The following TXLNB variants were observed in gnomAD, a reference collection of about 807,000 sequenced individuals.
TXLNB encodes the protein taxilin beta, also known as beta-taxilin.
Under a neutral mutation model 57.4 loss-of-function variants are expected in TXLNB, and 37 were observed. The observed-to-expected ratio is 0.64, with a 90% CI of 0.50 to 0.85. TXLNB has a LOEUF of 0.85. TXLNB is among the 40% of genes least tolerant of loss of function. TXLNB has a pLI of 0.00. For missense variants in TXLNB, 848 were observed against 825.6 expected, an observed-to-expected ratio of 1.03 and a Z score of -0.33; for synonymous variants, 302 against 309.6, an observed-to-expected ratio of 0.98 and a Z score of 0.26.
chr6:139,192,097 T>A, the TXLNB span, among the ~76,000 whole-genome samples: 1 of 152,262 alleles, frequency 6.6e-6, no homozygotes, highest in Non-Finnish European at 1.5e-5. Flanking sequence ...TAGATCACAG[T>A]ACTAATTGGA....
chr6:139,271,008 G>A (rs1431493999), intron 3 of TXLNB, among the ~76,000 whole-genome samples: 36 of 152,156 alleles, frequency 2.4e-4, no homozygotes, highest in Admixed American at 2.4e-3. Flanking sequence ...ATGATCTAAA[G>A]TCTGTCTGCT....
intron 3 of TXLNB, among the ~76,000 whole-genome samples, chr6:139,274,670 A>G (rs1328154714): frequency 6.6e-6 from 1 of 152,164 alleles, no homozygotes; most frequent in African/African-American, 2.4e-5. Flanking sequence ...TGGCTCATGG[A>G]GAAAATATCG....
chr6:139,304,601 C>T, the TXLNB span, among the ~76,000 whole-genome samples: 1 of 152,174 alleles, frequency 6.6e-6, no homozygotes, highest in Non-Finnish European at 1.5e-5. Flanking sequence ...AACCAATCTT[C>T]AGACAAAAAT....
downstream of TXLNB, chr6:139,239,552 G>C (rs187875511): frequency 3.2e-4 from 49 of 152,932 alleles, no homozygotes; most frequent in African/African-American, 1.2e-3. The surrounding 1 kb of genome is among the most constrained non-coding windows in gnomAD (Gnocchi z 4.7). Flanking sequence ...GAGCACAGTG[G>C]CATGATCATG....
chr6:139,259,474 C>T (rs1776426268), intron 6 of TXLNB, among the ~76,000 whole-genome samples: 1 of 152,208 alleles, frequency 6.6e-6, no homozygotes. Context: ...GTTGCTGCTG[C>T]AGATGCTGGA....
At chr6:139,240,034 T>TA (rs1050595748), downstream of TXLNB, 6 of 152,196 alleles carry the variant, frequency 3.9e-5, no homozygotes, top group East Asian at 1.9e-4. Context: ...AAGTCAAAGT[T>TA]AAAAAAATAA....
the TXLNB span, among the ~76,000 whole-genome samples, chr6:139,169,413 C>G: frequency 5.8e-4 from 88 of 152,146 alleles, no homozygotes; most frequent in African/African-American, 2.0e-3. Flanking sequence ...TCCAGGAGCT[C>G]TTTTTAATAG....
the TXLNB span, among the ~76,000 whole-genome samples, chr6:139,211,554 ACT>A: frequency 1.3e-5 from 2 of 152,172 alleles, no homozygotes; most frequent in African/African-American, 2.4e-5. Context: ...AAACCTGGAA[ACT>A]CTAAAAATCA....
downstream of TXLNB, among the ~76,000 whole-genome samples, chr6:139,237,092 C>T (rs1299814240): frequency 2.6e-5 from 4 of 152,122 alleles, no homozygotes; most frequent in South Asian, 6.2e-4. Context: ...GTCCCTCTTC[C>T]TTTCATTGTT....
At position 139,261,901 on chromosome 6, in the gene TXLNB, C is replaced by CTT. The variant is rs759412856; in HGVS notation, c.882+676_882+677dup. On this transcript the variant is annotated intron_variant, in intron 5 of 9. Coordinates refer to ENST00000358430, the MANE Select transcript of TXLNB (RefSeq NM_153235.4). Reference sequence around the variant, plus strand: ...TGGTAGGGTACATAGAATACAGACTCTTTTTTTTTTTTTTTTTTTTGAGAC... The same window carrying CTT: ...TGGTAGGGTACATAGAATACAGACTCTTTTTTTTTTTTTTTTTTTTTTGAGAC... 9.6e-3 allele frequency among the ~76,000 whole-genome samples: 1,130 copies of CTT among 117,852 alleles called. 58 individuals carry two copies. The highest frequency in any genetic ancestry group is 0.026 in the African/African-American group (745 of 28,262). The allele number at this position is 117,852 out of a possible 152,430, so 77.3% of individuals were successfully genotyped here. A position where few individuals can be genotyped will look rare whatever the true frequency, so the allele number is the denominator to read the frequency against.
intron 4 of TXLNB, among the ~76,000 whole-genome samples, chr6:139,268,794 G>C (rs973750968): frequency 1.4e-4 from 22 of 152,184 alleles, no homozygotes; most frequent in Admixed American, 9.8e-4. Flanking sequence ...ATTACTGAGG[G>C]CATATGGGCA....
In TXLNB at chr6:139,260,394, A is replaced by G. The variant is rs565593344; in HGVS notation, c.926T>C (p.Leu309Pro). The G allele has an allele frequency of 6.2e-7, 1 of 1,614,148 alleles. No homozygotes were observed. The highest frequency in any genetic ancestry group is 1.3e-5 in the African/African-American group (1 of 75,044). Residue 309 changes from leucine (L) to proline (P), a missense_variant, in exon 6 of 10, where the codon CTG becomes CCG. By Grantham distance (98) the Leu-to-Pro change is moderately conservative (BLOSUM62 -3). Transcript: ENST00000358430. ...GGCCTGCTCAAGCTTTGCATCCACC[A>G]GCTTCTGCTGCAGTTCTCTGTGTTT... ...IFKHRELQQK[L>P]VDAKLEQAQE... is the part of the protein sequence containing the mutation.
the TXLNB span, among the ~76,000 whole-genome samples, chr6:139,204,217 C>T: frequency 3.3e-5 from 5 of 152,050 alleles, no homozygotes; most frequent in African/African-American, 7.2e-5. Context: ...CTACCATGCC[C>T]GGCTAATTTT....
chr6:139,206,673 C>CAAAA, the TXLNB span, among the ~76,000 whole-genome samples: 1 of 118,764 alleles, frequency 8.4e-6, no homozygotes, highest in Non-Finnish European at 1.8e-5. Flanking sequence ...GACTCCATCT[C>CAAAA]AAAAAAAAAA....
the TXLNB span, among the ~76,000 whole-genome samples, chr6:139,320,482 T>A: frequency 6.6e-6 from 1 of 152,214 alleles, no homozygotes; most frequent in Non-Finnish European, 1.5e-5. Context: ...ACTAAAATAT[T>A]ACCATCACCA....
chr6:139,293,442 A>G (rs183104689), upstream of TXLNB, among the ~76,000 whole-genome samples: 276 of 152,152 alleles, frequency 1.8e-3, no homozygotes, highest in Non-Finnish European at 2.5e-3. Context: ...GGAGGCAGAA[A>G]AGGAGATTTG....
chr6:139,266,116 A>G (rs1387450256), intron 4 of TXLNB, among the ~76,000 whole-genome samples: 7 of 152,246 alleles, frequency 4.6e-5, no homozygotes, highest in African/African-American at 7.2e-5. Flanking sequence ...GCTTAAAAAA[A>G]TAAAAACTAT....
At chr6:139,315,027 C>T in the TXLNB span, among the ~76,000 whole-genome samples, 1 of 152,048 alleles carries the variant, frequency 6.6e-6, no homozygotes, top group African/African-American at 2.4e-5. Context: ...GTCTGAACCC[C>T]CCAAATTGTT....
downstream of TXLNB, among the ~76,000 whole-genome samples, chr6:139,239,821 A>C (rs1775883253): frequency 6.6e-6 from 1 of 151,682 alleles, no homozygotes; most frequent in Non-Finnish European, 1.5e-5. This position sits in a 1 kb window ranked among gnomAD's most constrained non-coding sequence, Gnocchi z 4.7. Flanking sequence ...CTGTAGCCTC[A>C]TTGTTATTTC....
Sources: gnomAD v4.1 joint callset for allele counts (sites outside exome capture counted in the v4.1 genomes callset) on GRCh38, gnomAD v4.1.1 for gene constraint, Gnocchi (gnomAD v3.1) non-coding constraint, MANE v1.5 for transcripts, NCBI Gene and HGNC (gene_info 2026-07-23, HGNC 2026-07-21) for gene names.